Variants in UNC5A observed in about 807,000 individuals in gnomAD.
UNC5A encodes unc-5 netrin receptor A.
In UNC5A, 20 loss-of-function variants were observed where a neutral mutation model predicts 87.4. That is an observed-to-expected ratio of 0.23 (90% CI 0.16 to 0.33). UNC5A has a LOEUF of 0.33. UNC5A is among the 10% of genes least tolerant of loss of function. UNC5A has a pLI of 1.00. For missense variants in UNC5A, 844 were observed against 1,133.4 expected, an observed-to-expected ratio of 0.74 and a Z score of 3.67; for synonymous variants, 438 against 482.3, an observed-to-expected ratio of 0.91 and a Z score of 1.20.
chr5:176,849,045 G>A (rs959831829), intron 1 of UNC5A, among the ~76,000 whole-genome samples: 5 of 152,208 alleles, frequency 3.3e-5, no homozygotes, highest in African/African-American at 9.6e-5. Flanking sequence ...AGGGCAGGAA[G>A]AGCGGGGCAG....
At chr5:176,855,793 G>A (rs1757653383) in intron 1 of UNC5A, among the ~76,000 whole-genome samples, 1 of 152,220 alleles carries the variant, frequency 6.6e-6, no homozygotes, top group African/African-American at 2.4e-5. Flanking sequence ...CTGCCCAGGG[G>A]CTCCCCAAGG....
chr5:176,875,571 C>T lies in UNC5A; in HGVS notation c.1378+1005C>T, dbSNP rs533469149. On this transcript the variant is annotated intron_variant, in intron 8 of 14. Coordinates refer to ENST00000329542, the MANE Select transcript of UNC5A (RefSeq NM_133369.3). This position sits in a 1 kb window ranked among gnomAD's most constrained non-coding sequence, Gnocchi z 5.2. ...CTCTCCTGACACGGGCCACCAAACCCCTTACCTGGTTCCTTGCTGTAAAAC... is the reference window on the plus strand; with the variant it reads ...CTCTCCTGACACGGGCCACCAAACCTCTTACCTGGTTCCTTGCTGTAAAAC... Among the ~76,000 whole-genome samples, 2 of 152,304 alleles carry T rather than the reference C, an allele frequency of 1.3e-5. No homozygotes were observed. Among genetic ancestry groups the T allele is most frequent in the Non-Finnish European group, 2.9e-5 (2 of 68,038 alleles).
Position 176,844,745 on chromosome 5 carries a change from T to G in UNC5A, c.71-17879T>G, listed in dbSNP as rs1457528627. Among the ~76,000 whole-genome samples the G allele has an allele frequency of 6.6e-6, 1 of 152,180 alleles. No homozygotes were observed. Among genetic ancestry groups the G allele is most frequent in the Non-Finnish European group, 1.5e-5 (1 of 68,022 alleles). ...AGTTCACAGCCTCCTATTGTTCCAG[T>G]TGGAACAGAGGACTCAGCAGGGCTA... On this transcript the variant is annotated intron_variant, in intron 1 of 14. Coordinates refer to ENST00000329542, the MANE Select transcript of UNC5A (RefSeq NM_133369.3). The surrounding 1 kb of genome is among the most constrained non-coding windows in gnomAD (Gnocchi z 4.2).
In UNC5A at chr5:176,868,897, C is replaced by T. The variant is rs61744813; in HGVS notation, c.654C>T (p.Asn218=). ...VRQARLADTA[N]YTCVAKNIVA... ...AGGCCCGCCTTGCTGACACGGCCAA[C>T]TACACCTGCGTGGCCAAGAACATCG... The change falls in exon 5 of 15, where the codon AAC becomes AAT. Residue 218 remains asparagine (N), a synonymous_variant. Transcript: ENST00000329542. 2 of 1,612,866 alleles carry T rather than the reference C, an allele frequency of 1.2e-6. No homozygotes were observed. The highest frequency in any genetic ancestry group is 1.7e-6 in the Non-Finnish European group (2 of 1,179,870).
intron 1 of UNC5A, among the ~76,000 whole-genome samples, chr5:176,846,749 G>A (rs1284208918): frequency 1.3e-5 from 2 of 152,208 alleles, no homozygotes; most frequent in Admixed American, 6.5e-5. Context: ...CCAGGACCTG[G>A]TCCACAGCCG....
At chr5:176,814,915 G>A (rs1756551369) in intron 1 of UNC5A, among the ~76,000 whole-genome samples, 1 of 152,194 alleles carries the variant, frequency 6.6e-6, no homozygotes, top group Non-Finnish European at 1.5e-5. Context: ...TCCCATCCCT[G>A]TCCCTGAACA....
At position 176,880,073 on chromosome 5, in the gene UNC5A, T is replaced by C. The variant is rs1302274582; in HGVS notation, c.*187T>C. 2.6e-6 allele frequency: 2 copies of C among 764,726 alleles called. No individual in the cohort carries two copies. The highest frequency in any genetic ancestry group is 4.0e-6 in the Non-Finnish European group (2 of 497,838). 47.4% of individuals were successfully genotyped at this position (764,726 alleles called of 1,614,324 possible). ...AACTCCCACCTCTCCATGGCCTGCC[T>C]AGCCAGGCTGGCACTGCCACTCACA... On this transcript the variant is annotated 3_prime_UTR_variant, in exon 15 of 15. Coordinates refer to ENST00000329542, the MANE Select transcript of UNC5A (RefSeq NM_133369.3).
chr5:176,813,998 C>T (rs914817557), intron 1 of UNC5A, among the ~76,000 whole-genome samples: 27 of 152,324 alleles, frequency 1.8e-4, no homozygotes, highest in African/African-American at 5.5e-4. Flanking sequence ...GAAGCCTTAG[C>T]GTCTCCCTTG....
intron 1 of UNC5A, among the ~76,000 whole-genome samples, chr5:176,823,702 G>T (rs951390197): frequency 6.6e-6 from 1 of 151,786 alleles, no homozygotes; most frequent in Non-Finnish European, 1.5e-5. Context: ...GACAGTCAGG[G>T]AGACCCTGGA....
At chr5:176,820,193 C>G (rs374553420) in intron 1 of UNC5A, among the ~76,000 whole-genome samples, 2 of 152,146 alleles carry the variant, frequency 1.3e-5, no homozygotes, top group African/African-American at 4.8e-5. Flanking sequence ...GTCAGGAAAT[C>G]GAGACCATCC....
chr5:176,835,728 G>GGTGTGTGTGTGTGT (rs1444755132), intron 1 of UNC5A, among the ~76,000 whole-genome samples: 2 of 63,476 alleles, frequency 3.2e-5, no homozygotes, highest in African/African-American at 9.2e-5. Context: ...TTTGATAAAG[G>GGTGTGTGTGTGTGT]ATGTGTGTGT....
At chr5:176,864,443 G>A (rs188306951) in intron 2 of UNC5A, among the ~76,000 whole-genome samples, 2 of 152,248 alleles carry the variant, frequency 1.3e-5, no homozygotes, top group African/African-American at 4.8e-5. Context: ...CCCTGCCAGG[G>A]AGAACGGTTT....
At chr5:176,842,297 A>C (rs867504488) in intron 1 of UNC5A, among the ~76,000 whole-genome samples, 3 of 152,386 alleles carry the variant, frequency 2.0e-5, no homozygotes, top group Middle Eastern at 3.4e-3. Flanking sequence ...TACAGCCACT[A>C]TGGAAGACAG....
rs61741153 is a variant in UNC5A at position 176,879,766 on chromosome 5, C to T, written c.2409C>T (p.Ile803=). The change falls in exon 15 of 15, where the codon ATC becomes ATT. Residue 803 remains isoleucine (I), a synonymous_variant. Transcript: ENST00000329542. ...CCAAGCCCAGCCCCACAGCCATGATCCTCAACCTGTGGGAGGCGCGGCACT... is the reference window on the plus strand; with the variant it reads ...CCAAGCCCAGCCCCACAGCCATGATTCTCAACCTGTGGGAGGCGCGGCACT... ...FASKPSPTAM[I]LNLWEARHFP... 162 of 1,613,536 alleles carry T rather than the reference C, an allele frequency of 1.0e-4. No homozygotes were observed. The African/African-American group carries it at 2.1e-3, about 20-fold the overall frequency.
chr5:176,826,244 C>T (rs1756850135), intron 1 of UNC5A, among the ~76,000 whole-genome samples: 6 of 152,226 alleles, frequency 3.9e-5, no homozygotes. Context: ...AGCACAAGCC[C>T]AGGCCAGATA....
chr5:176,848,373 G>T lies in UNC5A; in HGVS notation c.71-14251G>T, dbSNP rs1440390231. On this transcript the variant is annotated intron_variant, in intron 1 of 14. Transcript: ENST00000329542. The surrounding 1 kb of genome is among the most constrained non-coding windows in gnomAD (Gnocchi z 5.8). ...TCTGAGGCTGCATAGTGACACTGAG[G>T]CCACCCCTCTCTTTCCTCCATGTTC... Among the ~76,000 whole-genome samples the T allele has an allele frequency of 1.3e-5, 2 of 152,096 alleles. No individual in the cohort carries two copies. Among genetic ancestry groups the T allele is most frequent in the Non-Finnish European group, 2.9e-5 (2 of 68,010 alleles).
intron 8 of UNC5A, among the ~76,000 whole-genome samples, chr5:176,876,498 C>T (rs1758264953): frequency 2.0e-5 from 3 of 152,180 alleles, no homozygotes; most frequent in South Asian, 2.1e-4. Context: ...CCCTGGCCCC[C>T]GTCTTTGCCG....
chr5:176,826,041 G>T (rs1459957150), intron 1 of UNC5A, among the ~76,000 whole-genome samples: 1 of 152,216 alleles, frequency 6.6e-6, no homozygotes. Flanking sequence ...GCAGCAAAGG[G>T]CCTACTCTGG....
intron 1 of UNC5A, among the ~76,000 whole-genome samples, chr5:176,850,480 G>A (rs1001767596): frequency 2.0e-5 from 3 of 151,944 alleles, no homozygotes; most frequent in African/African-American, 4.8e-5. Flanking sequence ...AAAGGAGGGA[G>A]GCTTCCTGGG....
Sources: gnomAD v4.1 joint callset for allele counts (sites outside exome capture counted in the v4.1 genomes callset) on GRCh38, gnomAD v4.1.1 for gene constraint, Gnocchi (gnomAD v3.1) non-coding constraint, MANE v1.5 for transcripts, NCBI Gene and HGNC (gene_info 2026-07-23, HGNC 2026-07-21) for gene names.